Variants in ESR1 observed in about 807,000 individuals in gnomAD.
ESR1 encodes the protein estrogen receptor.
A neutral mutation model predicts 52.7 loss-of-function variants in ESR1; 12 were observed. The observed-to-expected ratio is 0.23, with a 90% CI of 0.15 to 0.37. ESR1 has a LOEUF of 0.37. Among genes scored for constraint, ESR1 ranks in the 10% least tolerant of loss-of-function variants. ESR1 has a pLI of 1.00. For synonymous variants in ESR1, 305 were observed against 316.8 expected (o/e 0.96, Z 0.39); for missense variants, 584 against 779.7 (o/e 0.75, Z 2.99).
chr6:151,702,175 T>C (rs1249116474), intron 2 of ESR1, among the ~76,000 whole-genome samples: 1 of 152,154 alleles, frequency 6.6e-6, no homozygotes, highest in Non-Finnish European at 1.5e-5. Flanking sequence ...ATGGGCACTC[T>C]ACATGCGTTG....
chr6:151,825,928 A>AAAG (rs1781410873), intron 1 of ESR1, among the ~76,000 whole-genome samples: 1 of 150,610 alleles, frequency 6.6e-6, no homozygotes, highest in Non-Finnish European at 1.5e-5. Flanking sequence ...AAAAAAAAAA[A>AAAG]AAAGAAAGAA....
chr6:151,967,350 A>C (rs979747649), intron 4 of ESR1, among the ~76,000 whole-genome samples: 9 of 152,056 alleles, frequency 5.9e-5, no homozygotes, highest in Non-Finnish European at 1.2e-4. Context: ...TCACCCCTTG[A>C]CAGGTCCCAG....
chr6:151,801,051 G>GGTGTGTGTGTGTGTGT (rs3062689), upstream of ESR1, among the ~76,000 whole-genome samples: 3,681 of 147,636 alleles, frequency 0.025, 146 homozygotes, highest in East Asian at 0.12. Flanking sequence ...TTGATTATGT[G>GGTGTGTGTGTGTGTGT]GTGTGTGTGT....
intron 5 of ESR1, among the ~76,000 whole-genome samples, chr6:152,027,422 C>T (rs1584887101): frequency 1.3e-5 from 2 of 151,988 alleles, no homozygotes; most frequent in South Asian, 2.1e-4. Flanking sequence ...ATTCTCTAAT[C>T]GTTTTTGGTT....
rs562047683 is a variant in ESR1 at position 152,113,312 on chromosome 6, A to T, written c.851-11954A>T. On this transcript the variant is annotated intron_variant, in intron 6 of 6. Coordinates refer to the ESR1 transcript ENST00000427531. ...AATTCCCTGACCTTTGTCAGGCACC[A>T]TCAAGCCACAGGTACCCTCCTGATG... is the stretch of plus-strand genomic sequence containing the variant. Among the ~76,000 whole-genome samples, 4 of 152,370 alleles carry T rather than the reference A, an allele frequency of 2.6e-5. No individual in the cohort carries two copies. In the East Asian group the frequency reaches 7.7e-4, roughly 29 times the overall value.
chr6:151,779,678 A>G (rs1786344208), intron 2 of ESR1, among the ~76,000 whole-genome samples: 1 of 152,210 alleles, frequency 6.6e-6, no homozygotes, highest in African/African-American at 2.4e-5. Flanking sequence ...TACTGGGTAT[A>G]TACCCAAAGG....
At chr6:151,782,392 A>G (rs987354954) in intron 2 of ESR1, among the ~76,000 whole-genome samples, 3 of 152,210 alleles carry the variant, frequency 2.0e-5, no homozygotes, top group Admixed American at 1.3e-4. Flanking sequence ...TAAGAATAGT[A>G]TTATAATTCA....
Position 151,807,807 on chromosome 6 carries a change from C to T in ESR1, c.-106C>T, listed in dbSNP as rs1014178687. 2 of 1,029,172 alleles carry T rather than the reference C, an allele frequency of 1.9e-6. No homozygotes were observed. The highest frequency in any genetic ancestry group is 1.4e-5 in the South Asian group (1 of 73,570). 63.8% of individuals were successfully genotyped at this position (1,029,172 alleles called of 1,614,324 possible). A position where few individuals can be genotyped will look rare whatever the true frequency, so the allele number is the denominator to read the frequency against. On this transcript the variant is annotated 5_prime_UTR_variant, in exon 1 of 8. Coordinates refer to ENST00000206249, the MANE Select transcript of ESR1 (RefSeq NM_000125.4). ...TCGCGTGTCGGCGGGACATGCGCTG[C>T]GTCGCCTCTAACCTCGGGCTGTGCT...
intron 2 of ESR1, among the ~76,000 whole-genome samples, chr6:151,795,711 CA>C (rs1554257435): frequency 6.6e-6 from 1 of 152,058 alleles, no homozygotes; most frequent in Non-Finnish European, 1.5e-5. Flanking sequence ...TACTCATGTG[CA>C]AATTGACTTA....
intron 2 of ESR1, among the ~76,000 whole-genome samples, chr6:151,759,014 C>T (rs774824614): frequency 1.3e-5 from 2 of 151,416 alleles, no homozygotes; most frequent in African/African-American, 2.4e-5. Flanking sequence ...CAGTGGCTCA[C>T]GCCTGTAATC....
chr6:151,913,648 C>CT (rs34486255), intron 3 of ESR1, among the ~76,000 whole-genome samples: 7 of 152,116 alleles, frequency 4.6e-5, no homozygotes, highest in Non-Finnish European at 7.4e-5. Context: ...TCAAAATGAT[C>CT]TTTTTTCCCA....
chr6:151,768,297 G>A (rs191015203), intron 2 of ESR1, among the ~76,000 whole-genome samples: 24 of 152,292 alleles, frequency 1.6e-4, no homozygotes, highest in Admixed American at 8.5e-4. Flanking sequence ...TCATTCTTGT[G>A]ATGTTCCTGC....
intron 1 of ESR1, among the ~76,000 whole-genome samples, chr6:151,839,994 T>C (rs1784023515): frequency 2.0e-5 from 3 of 152,178 alleles, no homozygotes. Context: ...TATAGCATTT[T>C]ATTATGTAGG....
At chr6:151,872,903 A>C (rs186147978) in intron 2 of ESR1, among the ~76,000 whole-genome samples, 89 of 152,280 alleles carry the variant, frequency 5.8e-4, no homozygotes, top group African/African-American at 2.0e-3. Context: ...CATCCTTGTC[A>C]TATAAGTCAA....
chr6:151,657,267 A>T (rs1252417759), intron 1 of ESR1, among the ~76,000 whole-genome samples: 1 of 152,198 alleles, frequency 6.6e-6, no homozygotes, highest in African/African-American at 2.4e-5. Flanking sequence ...TTTAAGACCC[A>T]CTGCACCAAT....
chr6:151,769,102 T>C (rs560117885), intron 2 of ESR1, among the ~76,000 whole-genome samples: 1 of 152,220 alleles, frequency 6.6e-6, no homozygotes, highest in Non-Finnish European at 1.5e-5. Flanking sequence ...TATCTTGATA[T>C]TGACTTACGT....
intron 3 of ESR1, among the ~76,000 whole-genome samples, chr6:151,909,163 G>A (rs539191377): frequency 7.2e-5 from 11 of 152,176 alleles, no homozygotes; most frequent in Middle Eastern, 3.2e-3. Flanking sequence ...TGGTGAGAGC[G>A]TGCTGCTAAT....
At chr6:151,918,226 A>C (rs922753931) in intron 3 of ESR1, among the ~76,000 whole-genome samples, 2 of 152,220 alleles carry the variant, frequency 1.3e-5, no homozygotes, top group African/African-American at 2.4e-5. Context: ...GTAGGAACCT[A>C]ACTCTGGAGC....
intron 5 of ESR1, among the ~76,000 whole-genome samples, chr6:152,046,600 A>G (rs2046246598): frequency 6.6e-6 from 1 of 152,252 alleles, no homozygotes; most frequent in Non-Finnish European, 1.5e-5. Flanking sequence ...CAAGGCAAAG[A>G]TTGTCCATAG....
Sources: gnomAD v4.1 joint callset for allele counts (sites outside exome capture counted in the v4.1 genomes callset) on GRCh38, gnomAD v4.1.1 for gene constraint, MANE v1.5 for transcripts, NCBI Gene and HGNC (gene_info 2026-07-23, HGNC 2026-07-21) for gene names.